INPP5D: variants seen among roughly 807,000 people sequenced by gnomAD.
INPP5D encodes phosphatidylinositol 3,4,5-trisphosphate 5-phosphatase 1.
Under a neutral mutation model 122.9 loss-of-function variants are expected in INPP5D, and 33 were observed. The ratio of observed to expected loss-of-function variants is 0.27; its 90% CI spans 0.20 to 0.36. The LOEUF is 0.36. Among genes scored for constraint, INPP5D ranks in the 10% least tolerant of loss-of-function variants. INPP5D has a pLI of 1.00. For synonymous variants in INPP5D, 584 were observed against 576.2 expected, an observed-to-expected ratio of 1.01 and a Z score of -0.19; for missense variants, 1,053 against 1,412.7, an observed-to-expected ratio of 0.75 and a Z score of 4.08.
rs878871332 is a variant in INPP5D, at chr2:233,142,764, C to G, written c.753+2835C>G. On this transcript the variant is annotated intron_variant, in intron 6 of 26. Transcript: ENST00000445964. ...AAGCAAAGTGAAAAAACTGGGTCAG[C>G]TGATGTAAACCCTCAGGTAGCAGTC... is the stretch of plus-strand genomic sequence containing the variant. Among the ~76,000 whole-genome samples, 100 of 152,264 alleles carry G rather than the reference C, an allele frequency of 6.6e-4. 1 individual carries two copies. Among genetic ancestry groups the G allele is most frequent in the African/African-American group, 2.3e-3 (95 of 41,544 alleles).
intron 26 of INPP5D, chr2:233,204,990 C>T (rs1471262126): frequency 1.6e-5 from 7 of 445,282 alleles, no homozygotes; most frequent in African/African-American, 2.1e-5. Context: ...GGAAGAAAGG[C>T]GGGGCTGTGG....
Position 233,111,957 on chromosome 2 carries a change from G to T in INPP5D, c.199-10150G>T, listed in dbSNP as rs1017482600. On this transcript the variant is annotated intron_variant, in intron 2 of 26. Coordinates refer to ENST00000445964, the MANE Select transcript of INPP5D (RefSeq NM_001017915.3). ...GCATGCCTATAGTCCCAGGTACTTG[G>T]GGGGGCTGAGGTGTGAGGATCGCTG... 6.5e-5 allele frequency among the ~76,000 whole-genome samples: 5 copies of T among 76,338 alleles called. No individual in the cohort carries two copies. In the African/African-American group the frequency reaches 1.1e-3, roughly 17 times the overall value. 50.1% of individuals were successfully genotyped at this position (76,338 alleles called of 152,430 possible). A position where few individuals can be genotyped will look rare whatever the true frequency, so the allele number is the denominator to read the frequency against.
At position 233,206,860 on chromosome 2, in the gene INPP5D, A is replaced by G. The variant is rs974222902; in HGVS notation, c.*152A>G. 4 of 657,874 alleles carry G rather than the reference A, an allele frequency of 6.1e-6. No individual in the cohort carries two copies. In the African/African-American group the frequency reaches 7.2e-5, roughly 12 times the overall value. 40.8% of individuals were successfully genotyped at this position (657,874 alleles called of 1,614,324 possible). On this transcript the variant is annotated 3_prime_UTR_variant, in exon 27 of 27. Transcript: ENST00000445964. The surrounding 1 kb of genome is among the most constrained non-coding windows in gnomAD (Gnocchi z 4.0). Reference sequence around the variant, plus strand: ...AAAGGGCCTAGCTTCTGTGTGGCCCACAGAGTTCACTGCCTGTGAGACTTA... The same window carrying G: ...AAAGGGCCTAGCTTCTGTGTGGCCCGCAGAGTTCACTGCCTGTGAGACTTA...
At position 233,170,305 on chromosome 2, in the gene INPP5D, TC is replaced by T. The variant is rs1279616852; in HGVS notation, c.1791+143del. 1.2e-5 allele frequency: 18 copies of T among 1,491,576 alleles called. No homozygotes were observed. Among genetic ancestry groups the T allele is most frequent in the Admixed American group, 6.6e-5 (3 of 45,448 alleles). The allele number at this position is 1,491,576 out of a possible 1,614,324, so 92.4% of individuals were successfully genotyped here. Reference sequence around the variant, plus strand: ...CTCCCCTTGGGGGCTCAACGCTGTTTCCATTACTGAGCCTCAGCCGCTCCTC... The same window carrying T: ...CTCCCCTTGGGGGCTCAACGCTGTTTCATTACTGAGCCTCAGCCGCTCCTC... On this transcript the variant is annotated intron_variant, in intron 15 of 26. Coordinates refer to ENST00000445964, the MANE Select transcript of INPP5D (RefSeq NM_001017915.3). The surrounding 1 kb of genome is among the most constrained non-coding windows in gnomAD (Gnocchi z 4.5).
chr2:233,080,496 G>C (rs1691652450), intron 2 of INPP5D, among the ~76,000 whole-genome samples: 1 of 151,910 alleles, frequency 6.6e-6, no homozygotes, highest in Non-Finnish European at 1.5e-5. Flanking sequence ...TCAGTTCTCA[G>C]GGACTAGAGT....
At chr2:233,099,092 A>T (rs1179502868) in intron 2 of INPP5D, among the ~76,000 whole-genome samples, 1 of 152,008 alleles carries the variant, frequency 6.6e-6, no homozygotes, top group Non-Finnish European at 1.5e-5. Context: ...TTGGGATTAT[A>T]AGTGTGCGTC....
chr2:233,085,259 G>A (rs2106215745), intron 2 of INPP5D, among the ~76,000 whole-genome samples: 1 of 152,178 alleles, frequency 6.6e-6, no homozygotes, highest in African/African-American at 2.4e-5. Context: ...GGTGGTGCAT[G>A]CCCGTAGTCA....
At chr2:233,159,386 C>T (rs1367149731) in intron 10 of INPP5D, among the ~76,000 whole-genome samples, 1 of 152,060 alleles carries the variant, frequency 6.6e-6, no homozygotes, top group Non-Finnish European at 1.5e-5. Context: ...CTAGTCAGAC[C>T]CCATGTCTAC....
chr2:233,145,999 T>C (rs1461580785), intron 6 of INPP5D, 163 bp from the exon 7 acceptor site: 1 of 701,914 alleles, frequency 1.4e-6, no homozygotes, highest in Non-Finnish European at 2.6e-6. Context: ...GAGAAGATTG[T>C]AGAGATCCCT....
chr2:233,188,593 G>GT lies in INPP5D; in HGVS notation c.2359-1255dup, dbSNP rs1416054252. On this transcript the variant is annotated intron_variant, in intron 21 of 26. Transcript: ENST00000445964. The surrounding 1 kb of genome is among the most constrained non-coding windows in gnomAD (Gnocchi z 4.7). ...GAACTTTTTTTTGAGACTGAGTCTT[G>GT]TTCTGTTGCCCAGGCTGGAGTGCAG... 2.6e-5 allele frequency among the ~76,000 whole-genome samples: 4 copies of GT among 152,148 alleles called. No individual in the cohort carries two copies. Among genetic ancestry groups the GT allele is most frequent in the African/African-American group, 4.8e-5 (2 of 41,444 alleles).
intron 2 of INPP5D, among the ~76,000 whole-genome samples, chr2:233,115,800 T>C (rs933508923): frequency 1.3e-5 from 2 of 152,236 alleles, no homozygotes; most frequent in African/African-American, 2.4e-5. Flanking sequence ...TATGTCATTA[T>C]GTTTGCAACC....
At chr2:233,109,871 C>A (rs1692570520) in intron 2 of INPP5D, among the ~76,000 whole-genome samples, 1 of 151,376 alleles carries the variant, frequency 6.6e-6, no homozygotes, top group South Asian at 2.1e-4. Context: ...CAGGCAGAAG[C>A]CACAGCGCCC....
intron 6 of INPP5D, among the ~76,000 whole-genome samples, chr2:233,145,053 C>T (rs1354146340): frequency 2.0e-5 from 3 of 152,060 alleles, no homozygotes; most frequent in African/African-American, 7.3e-5. Context: ...ATTAGCCATA[C>T]ATGTGTCTGA....
At chr2:233,192,261 A>G (rs1362273692) in intron 22 of INPP5D, among the ~76,000 whole-genome samples, 1 of 152,210 alleles carries the variant, frequency 6.6e-6, no homozygotes, top group Non-Finnish European at 1.5e-5. Flanking sequence ...TTCTCATTCA[A>G]ATCCTGTATT....
chr2:233,109,148 G>A (rs1247522182), intron 2 of INPP5D, among the ~76,000 whole-genome samples: 1 of 152,226 alleles, frequency 6.6e-6, no homozygotes, highest in Non-Finnish European at 1.5e-5. Context: ...TTCTGTGGAT[G>A]GAAACTTGCA....
intron 18 of INPP5D, among the ~76,000 whole-genome samples, chr2:233,178,008 A>C (rs1694690675): frequency 6.6e-6 from 1 of 152,260 alleles, no homozygotes; most frequent in Admixed American, 6.5e-5. Flanking sequence ...ACATGTCGCA[A>C]GTGTGTACAC....
At chr2:233,131,232 T>C in intron 5 of INPP5D, 7 of 554,148 alleles carry the variant, frequency 1.3e-5, no homozygotes, top group Non-Finnish European at 1.6e-5. Flanking sequence ...TGAAAGTTAA[T>C]TTCAAGTTAA....
At chr2:233,182,638 C>A in intron 19 of INPP5D, 139 bp downstream of exon 19, 1 of 1,338,112 alleles carries the variant, frequency 7.5e-7, no homozygotes, top group South Asian at 1.4e-5. Context: ...CAGTCAGTTT[C>A]TTCATGTCCC....
chr2:233,176,464 G>A (rs1295727837), intron 17 of INPP5D, among the ~76,000 whole-genome samples: 92 of 31,454 alleles, frequency 2.9e-3, no homozygotes, highest in Middle Eastern at 0.013. Flanking sequence ...TAGGTGGATG[G>A]ATGGGTGGAT....
Sources: allele counts gnomAD v4.1 joint callset (sites outside exome capture counted in the v4.1 genomes callset), GRCh38; gene constraint gnomAD v4.1.1; non-coding constraint Gnocchi (gnomAD v3.1); transcripts MANE v1.5; gene names NCBI Gene and HGNC (gene_info 2026-07-23, HGNC 2026-07-21).